Variants in CEPT1 observed in about 807,000 individuals in gnomAD.
The protein encoded by CEPT1 is choline/ethanolamine phosphotransferase 1.
In CEPT1, 7 loss-of-function variants were observed where a neutral mutation model predicts 42.6. That is an observed-to-expected ratio of 0.16 (90% confidence interval 0.09 to 0.31). CEPT1 has a LOEUF of 0.31. Ranked by LOEUF, CEPT1 falls within the 10% of genes least tolerant of loss-of-function variation. The pLI, the probability that CEPT1 is intolerant of heterozygous loss-of-function variation, is 1.00. For missense variants in CEPT1, 306 were observed against 502.1 expected (o/e 0.61, Z 3.73); for synonymous variants, 171 against 171.9 (o/e 0.99, Z 0.04).
intron 4 of CEPT1, among the ~76,000 whole-genome samples, chr1:111,164,813 T>C (rs966681537): frequency 9.9e-5 from 15 of 151,474 alleles, no homozygotes; most frequent in South Asian, 4.2e-4. Flanking sequence ...TTAGTAGAGA[T>C]GGGGTTTCAC....
intron 6 of CEPT1, 42 bp downstream of exon 6, chr1:111,182,360 A>G: frequency 6.3e-7 from 1 of 1,588,194 alleles, no homozygotes; most frequent in Non-Finnish European, 8.6e-7. Context: ...TTACACTAGG[A>G]CTTGGTTTTG....
intron 2 of CEPT1, among the ~76,000 whole-genome samples, chr1:111,149,935 GTTC>G (rs1311751033): frequency 6.6e-6 from 1 of 152,198 alleles, no homozygotes; most frequent in African/African-American, 2.4e-5. Context: ...CTTGGCCTCT[GTTC>G]TTAAGTGATT....
rs1172686261 is a variant in CEPT1, at chr1:111,183,451, T to G, written c.1006-11T>G. On this transcript the variant is annotated splice_polypyrimidine_tract_variant and intron_variant, in intron 7 of 8. Transcript: ENST00000357172. The stretch of plus-strand genomic sequence containing the variant: ...TATGAAAATGCCTACGTTATTCTGT[T>G]TTATTCATAGGTTGCACACATGACG... 1 of 1,613,024 alleles carries G rather than the reference T, an allele frequency of 6.2e-7. No individual in the cohort carries two copies. Among genetic ancestry groups the G allele is most frequent in the Non-Finnish European group, 8.5e-7 (1 of 1,179,126 alleles).
rs775697072 is a variant in CEPT1, at chr1:111,184,238, TC to T, written c.1180del (p.Gln394ArgfsTer30). 2 of 1,613,618 alleles carry T rather than the reference TC, an allele frequency of 1.2e-6. No homozygotes were observed. The highest frequency in any genetic ancestry group is 1.7e-6 in the Non-Finnish European group (2 of 1,179,568). ...LIRYCVSVCNQIASHLHIHVF... is the reference protein window; with the variant it reads ...LIRYCVSVCNXIASHLHIHVF... The stretch of plus-strand genomic sequence containing the variant: ...TCCGCTACTGTGTCAGTGTTTGCAA[TC>T]AGATTGCGTCTCACCTGCACATACA... On this transcript the variant is annotated frameshift_variant, in exon 9 of 9. Coordinates refer to ENST00000357172, the MANE Select transcript of CEPT1 (RefSeq NM_006090.5). LOFTEE classifies it high-confidence loss of function.
At chr1:111,145,233 C>G (rs1654892733) in intron 1 of CEPT1, among the ~76,000 whole-genome samples, 1 of 152,202 alleles carries the variant, frequency 6.6e-6, no homozygotes, top group South Asian at 2.1e-4. Context: ...CCAGGCTGGT[C>G]TCGAACTCCT....
intron 4 of CEPT1, chr1:111,167,152 C>T: frequency 2.1e-5 from 21 of 985,228 alleles, no homozygotes; most frequent in Non-Finnish European, 2.3e-5. Context: ...ATGCCAGCTT[C>T]TCACAGGAAC....
chr1:111,183,328 T>C, intron 7 of CEPT1, 134 bp from the exon 8 acceptor site: 3 of 985,546 alleles, frequency 3.0e-6, no homozygotes, highest in Non-Finnish European at 4.5e-6. Flanking sequence ...TATTGTTGGG[T>C]TTTTAGTTTT....
intron 2 of CEPT1, among the ~76,000 whole-genome samples, chr1:111,151,011 T>C (rs772066277): frequency 1.3e-5 from 2 of 152,124 alleles, no homozygotes; most frequent in Non-Finnish European, 2.9e-5. Flanking sequence ...CTGTAAAATA[T>C]TTGAAGAGAT....
At chr1:111,147,493 ATC>A (rs1655032837) in intron 1 of CEPT1, 147 bp from the exon 2 acceptor site, 1 of 392,556 alleles carries the variant, frequency 2.5e-6, no homozygotes, top group East Asian at 4.3e-5. Context: ...TAGAACCAAA[ATC>A]AGGTCCCTCC....
chr1:111,168,581 C>T (rs1172459302), intron 4 of CEPT1, among the ~76,000 whole-genome samples: 3 of 151,776 alleles, frequency 2.0e-5, no homozygotes, highest in African/African-American at 7.3e-5. Flanking sequence ...CTCCGCCTCC[C>T]AGGTTCACGC....
At chr1:111,141,190 G>A (rs1047137872) in intron 1 of CEPT1, among the ~76,000 whole-genome samples, 7 of 152,242 alleles carry the variant, frequency 4.6e-5, no homozygotes, top group African/African-American at 1.7e-4. Flanking sequence ...GAACTATTAG[G>A]AATATGTCCA....
intron 8 of CEPT1, 152 bp from the exon 9 acceptor site, chr1:111,184,039 A>C: frequency 1.3e-6 from 1 of 799,648 alleles, no homozygotes; most frequent in Non-Finnish European, 2.0e-6. Context: ...TCTAACAAAG[A>C]GTTTGTATGT....
chr1:111,160,415 GT>G (rs1291267545), intron 3 of CEPT1: 8 of 152,082 alleles, frequency 5.3e-5, no homozygotes, highest in Non-Finnish European at 7.4e-5. Context: ...ACCCCTTATA[GT>G]TTTACCTCCT....
chr1:111,149,457 T>G (rs1205621891), intron 2 of CEPT1, among the ~76,000 whole-genome samples: 2 of 152,114 alleles, frequency 1.3e-5, no homozygotes, highest in African/African-American at 4.8e-5. Context: ...GAGACAGGGC[T>G]TCACCTTGTT....
chr1:111,154,668 A>G (rs1655465047), intron 2 of CEPT1, among the ~76,000 whole-genome samples: 1 of 152,122 alleles, frequency 6.6e-6, no homozygotes, highest in East Asian at 1.9e-4. Flanking sequence ...TCTTGTATGC[A>G]TAATTTGTGG....
chr1:111,154,670 A>G (rs1655465164), intron 2 of CEPT1, among the ~76,000 whole-genome samples: 1 of 152,150 alleles, frequency 6.6e-6, no homozygotes, highest in African/African-American at 2.4e-5. Context: ...TTGTATGCAT[A>G]ATTTGTGGTG....
At chr1:111,143,866 T>C (rs1467847597) in intron 1 of CEPT1, among the ~76,000 whole-genome samples, 2 of 152,088 alleles carry the variant, frequency 1.3e-5, no homozygotes, top group Non-Finnish European at 2.9e-5. Flanking sequence ...GCCTCCCAAG[T>C]AGCTGGGAAT....
At chr1:111,169,945 T>C (rs1467066321) in intron 4 of CEPT1, among the ~76,000 whole-genome samples, 1 of 152,184 alleles carries the variant, frequency 6.6e-6, no homozygotes, top group African/African-American at 2.4e-5. Context: ...TGTTCTCATC[T>C]ACAAAATGGT....
chr1:111,145,811 G>C (rs547103094), intron 1 of CEPT1, among the ~76,000 whole-genome samples: 1 of 152,196 alleles, frequency 6.6e-6, no homozygotes, highest in South Asian at 2.1e-4. Context: ...TGGCTTCACT[G>C]CATTCCAGCG....
Sources: allele counts gnomAD v4.1 joint callset (sites outside exome capture counted in the v4.1 genomes callset), GRCh38; gene constraint gnomAD v4.1.1; transcripts MANE v1.5; gene names NCBI Gene and HGNC (gene_info 2026-07-23, HGNC 2026-07-21).